CFB: variants seen among roughly 807,000 people sequenced by gnomAD.
CFB encodes the protein B-factor, properdin.
Under a neutral mutation model 97.2 loss-of-function variants are expected in CFB, and 59 were observed. That is an observed-to-expected ratio of 0.61 (90% confidence interval 0.49 to 0.75). The LOEUF is 0.75. Among genes scored for constraint, CFB ranks in the 30% least tolerant of loss-of-function variants. The pLI is 0.00. For synonymous variants in CFB, 316 were observed against 351.7 expected, an observed-to-expected ratio of 0.90 and a Z score of 1.14; for missense variants, 771 against 959.8, an observed-to-expected ratio of 0.80 and a Z score of 2.60.
At position 31,947,420 on chromosome 6, in the gene CFB, G is replaced by A. The variant is rs762757991; in HGVS notation, c.557G>A (p.Ser186Asn). ...GGCAGCCAGTACCGCCTTGAAGACA[G>A]CGTCACCTACCACTGCAGCCGGGGG... Reference protein sequence around the residue: ...KVGSQYRLEDSVTYHCSRGLT... With the variant: ...KVGSQYRLEDNVTYHCSRGLT... Residue 186 changes from serine to asparagine, a missense_variant, in exon 4 of 18, where the codon AGC becomes AAC. Physicochemically the swap from Ser to Asn is conservative, Grantham distance 46. Coordinates refer to ENST00000425368, the MANE Select transcript of CFB (RefSeq NM_001710.6). The surrounding 1 kb of genome is among the most constrained non-coding windows in gnomAD (Gnocchi z 5.3). 1.9e-6 allele frequency: 3 copies of A among 1,612,888 alleles called. No homozygotes were observed.
In CFB at chr6:31,947,829, A is replaced by T; in HGVS notation, c.746A>T (p.Asp249Val). 6.2e-7 allele frequency: 1 copy of T among 1,613,834 alleles called. No homozygotes were observed. The highest frequency in any genetic ancestry group is 8.5e-7 in the Non-Finnish European group (1 of 1,180,028). ...ACCATAGAAGGAGTCGATGCTGAGG[A>T]TGGGCACGGCCCAGGTTTGAAGACA... ...TETIEGVDAE[D>V]GHGPGEQQKR... Residue 249 changes from aspartate to valine, a missense_variant, in exon 5 of 18, where the codon GAT becomes GTT. Physicochemically the swap from Asp to Val is radical, Grantham distance 152. Transcript: ENST00000425368. This position sits in a 1 kb window ranked among gnomAD's most constrained non-coding sequence, Gnocchi z 5.3.
In CFB at chr6:31,948,404, G is replaced by T; in HGVS notation, c.928G>T (p.Gly310Cys). ...VASYGVKPRYGLVTYATYPKI... is the reference protein window; with the variant it reads ...VASYGVKPRYCLVTYATYPKI... The stretch of plus-strand genomic sequence containing the variant: ...AAGTTATGGTGTGAAGCCAAGATAT[G>T]GTCTAGTGACATATGCCACATACCC... The change falls in exon 7 of 18, where the codon GGT becomes TGT. Residue 310 changes from glycine to cysteine, a missense_variant. Transcript: ENST00000425368. 6.8e-6 allele frequency: 11 copies of T among 1,614,168 alleles called. No individual in the cohort carries two copies. Among genetic ancestry groups the T allele is most frequent in the Middle Eastern group, 1.6e-4 (1 of 6,062 alleles).
chr6:31,947,442 G>C lies in CFB; in HGVS notation c.579G>C (p.Arg193=), dbSNP rs759063772. 2 of 1,613,004 alleles carry C rather than the reference G, an allele frequency of 1.2e-6. No individual in the cohort carries two copies. The highest frequency in any genetic ancestry group is 2.2e-5 in the South Asian group (2 of 91,086). Residue 193 remains arginine, a synonymous_variant, in exon 4 of 18, where the codon CGG becomes CGC. Coordinates refer to ENST00000425368, the MANE Select transcript of CFB (RefSeq NM_001710.6). This position sits in a 1 kb window ranked among gnomAD's most constrained non-coding sequence, Gnocchi z 5.3. ...ACAGCGTCACCTACCACTGCAGCCG[G>C]GGGCTTACCCTGCGTGGCTCCCAGC... The part of the protein sequence containing the change: ...LEDSVTYHCS[R]GLTLRGSQRR...
Position 31,950,081 on chromosome 6 carries a change from G to C in CFB, c.1440G>C (p.Met480Ile), listed in dbSNP as rs1390187890. 1 of 1,612,940 alleles carries C rather than the reference G, an allele frequency of 6.2e-7. No individual in the cohort carries two copies. Among genetic ancestry groups the C allele is most frequent in the Admixed American group, 1.7e-5 (1 of 60,000 alleles). The change falls in exon 11 of 18, where the codon ATG becomes ATC. Residue 480 changes from methionine (M) to isoleucine (I), a missense_variant. Coordinates refer to ENST00000425368, the MANE Select transcript of CFB (RefSeq NM_001710.6). ...GCCAGTCTCTGAGTCTCTGTGGCAT[G>C]GTTTGGGAACACAGGAAGGGTACCG... ...DESQSLSLCG[M>I]VWEHRKGTDY...
In CFB at chr6:31,946,983, T is replaced by G. The variant is rs1253301962; in HGVS notation, c.299-24T>G. On this transcript the variant is annotated intron_variant, in intron 2 of 17. Coordinates refer to ENST00000425368, the MANE Select transcript of CFB (RefSeq NM_001710.6). This position sits in a 1 kb window ranked among gnomAD's most constrained non-coding sequence, Gnocchi z 6.4. ...AGGCAGCCTTTCCCTCTTGATGACT[T>G]CTACTTGTCCCCCCTTCTCAAAGCA... The G allele has an allele frequency of 6.2e-7, 1 of 1,612,404 alleles. No individual in the cohort carries two copies. Among genetic ancestry groups the G allele is most frequent in the Non-Finnish European group, 8.5e-7 (1 of 1,179,800 alleles).
At chr6:31,950,796 G>T in intron 13 of CFB, 24 bp downstream of exon 13, 7 of 1,613,062 alleles carry the variant, frequency 4.3e-6, no homozygotes, top group Non-Finnish European at 5.9e-6. Context: ...GATCCCTGAG[G>T]AAAGGCTGGG....
Position 31,950,374 on chromosome 6 carries a change from A to G in CFB, c.1595A>G (p.Asp532Gly), listed in dbSNP as rs372020657. The G allele has an allele frequency of 6.2e-7, 1 of 1,612,942 alleles. No individual in the cohort carries two copies. The highest frequency in any genetic ancestry group is 8.5e-7 in the Non-Finnish European group (1 of 1,180,032). ...GCAGCACATTGTTTCACTGTGGATG[A>G]CAAGGAACACTCAATCAAGGTCAGC... is the stretch of plus-strand genomic sequence containing the variant. ...LTAAHCFTVD[D>G]KEHSIKVSVG... Residue 532 changes from aspartate to glycine, a missense_variant, in exon 12 of 18, where the codon GAC becomes GGC. Physicochemically the swap from Asp to Gly is moderately conservative, Grantham distance 94 (BLOSUM62 -1). Coordinates refer to ENST00000425368, the MANE Select transcript of CFB (RefSeq NM_001710.6).
chr6:31,947,208 T>TC lies in CFB; in HGVS notation c.484+21dup. ...GACAACGGAGGTGAGAAGCATCCCC[T>TC]CCCCCTACATTGCTGTCTCCCTGAC... On this transcript the variant is annotated intron_variant, in intron 3 of 17. Coordinates refer to ENST00000425368, the MANE Select transcript of CFB (RefSeq NM_001710.6). The surrounding 1 kb of genome is among the most constrained non-coding windows in gnomAD (Gnocchi z 5.3). 1 of 1,612,096 alleles carries TC rather than the reference T, an allele frequency of 6.2e-7. No individual in the cohort carries two copies.
Position 31,951,383 on chromosome 6 carries a change from G to A in CFB, c.1999G>A (p.Asp667Asn). 6.2e-7 allele frequency: 1 copy of A among 1,614,180 alleles called. No homozygotes were observed. The highest frequency in any genetic ancestry group is 8.5e-7 in the Non-Finnish European group (1 of 1,180,038). Reference protein sequence around the residue: ...ERDAQYAPGYDKVKDISEVVT... With the variant: ...ERDAQYAPGYNKVKDISEVVT... ...AGATGCTCAATATGCCCCAGGCTAT[G>A]ACAAAGTCAAGGACATCTCAGAGGT... The change falls in exon 16 of 18, where the codon GAC becomes AAC. Residue 667 changes from aspartate to asparagine, a missense_variant. Coordinates refer to ENST00000425368, the MANE Select transcript of CFB (RefSeq NM_001710.6). The surrounding 1 kb of genome is among the most constrained non-coding windows in gnomAD (Gnocchi z 4.3).
Position 31,950,740 on chromosome 6 carries a change from CAAG to C in CFB, c.1749_1751del (p.Lys583del). On this transcript the variant is annotated inframe_deletion, in exon 13 of 18. Transcript: ENST00000425368. ...ACTATGACGTTGCCCTGATCAAGCT[CAAG>C]AATAAGCTGAAATATGGCCAGACTA... The C allele has an allele frequency of 6.2e-7, 1 of 1,613,050 alleles. No homozygotes were observed. The highest frequency in any genetic ancestry group is 8.5e-7 in the Non-Finnish European group (1 of 1,180,036).
rs769901381 is a variant in CFB at position 31,947,107 on chromosome 6, C to T, written c.399C>T (p.Asp133=). 1.3e-5 allele frequency: 21 copies of T among 1,613,028 alleles called. No individual in the cohort carries two copies. Among genetic ancestry groups the T allele is most frequent in the East Asian group, 4.5e-5 (2 of 44,868 alleles). The change falls in exon 3 of 18, where the codon GAC becomes GAT. Residue 133 remains aspartate (D), a synonymous_variant. Transcript: ENST00000425368. The surrounding 1 kb of genome is among the most constrained non-coding windows in gnomAD (Gnocchi z 5.3). ...ATGAGATCTCTTTCCACTGCTATGACGGTTACACTCTCCGGGGCTCTGCCA... is the reference window on the plus strand; with the variant it reads ...ATGAGATCTCTTTCCACTGCTATGATGGTTACACTCTCCGGGGCTCTGCCA... ...VSDEISFHCY[D]GYTLRGSANR...
chr6:31,946,566 G>C lies in CFB; in HGVS notation c.258G>C (p.Lys86Asn). ...CTACGGGGTCCTGGAGCACCCTGAA[G>C]ACTCAAGACCAAAAGACTGTCAGGA... ...CRSTGSWSTLKTQDQKTVRKA... is the reference protein window; with the variant it reads ...CRSTGSWSTLNTQDQKTVRKA... The change falls in exon 2 of 18, where the codon AAG (lysine) becomes AAC (asparagine). Residue 86 changes from lysine (K) to asparagine (N), a missense_variant. Physicochemically the swap from Lys to Asn is moderately conservative, Grantham distance 94. Transcript: ENST00000425368. The surrounding 1 kb of genome is among the most constrained non-coding windows in gnomAD (Gnocchi z 6.4). 4 of 1,612,274 alleles carry C rather than the reference G, an allele frequency of 2.5e-6. No individual in the cohort carries two copies. The highest frequency in any genetic ancestry group is 3.4e-6 in the Non-Finnish European group (4 of 1,180,032).
At position 31,946,543 on chromosome 6, in the gene CFB, A is replaced by G; in HGVS notation, c.235A>G (p.Thr79Ala). The change falls in exon 2 of 18, where the codon ACG (threonine) becomes GCG (alanine). Residue 79 changes from threonine to alanine, a missense_variant. By Grantham distance (58) the Thr-to-Ala change is moderately conservative (BLOSUM62 0). Coordinates refer to ENST00000425368, the MANE Select transcript of CFB (RefSeq NM_001710.6). This position sits in a 1 kb window ranked among gnomAD's most constrained non-coding sequence, Gnocchi z 6.4. ...TGTGCAGACACGTACCTGCAGATCT[A>G]CGGGGTCCTGGAGCACCCTGAAGAC... ...YPVQTRTCRS[T>A]GSWSTLKTQD... The G allele has an allele frequency of 1.2e-6, 2 of 1,612,934 alleles. No individual in the cohort carries two copies. The highest frequency in any genetic ancestry group is 1.7e-6 in the Non-Finnish European group (2 of 1,180,028).
At position 31,952,069 on chromosome 6, in the gene CFB, A is replaced by G. The variant is rs1771808453; in HGVS notation, c.*39A>G. ...GGACAGGGGCGTGGGATTGAATTAA[A>G]ACAGCTGCGACAACACCTGTGTTCC... On this transcript the variant is annotated 3_prime_UTR_variant, in exon 18 of 18. Coordinates refer to ENST00000425368, the MANE Select transcript of CFB (RefSeq NM_001710.6). The G allele has an allele frequency of 6.2e-7, 1 of 1,609,924 alleles. No homozygotes were observed.
rs749762077 is a variant in CFB, at chr6:31,946,489, G to C, written c.181G>C (p.Val61Leu). The C allele has an allele frequency of 3.7e-6, 6 of 1,613,086 alleles. No individual in the cohort carries two copies. In the South Asian group the frequency reaches 4.4e-5, roughly 12 times the overall value. The stretch of plus-strand genomic sequence containing the variant: ...CCAAGAGGGCCAGGCACTGGAGTAC[G>C]TGTGTCCTTCTGGCTTCTACCCGTA... ...LLQEGQALEY[V>L]CPSGFYPYPV... Residue 61 changes from valine (V) to leucine (L), a missense_variant, in exon 2 of 18, where the codon GTG becomes CTG. Transcript: ENST00000425368. The surrounding 1 kb of genome is among the most constrained non-coding windows in gnomAD (Gnocchi z 6.4).
chr6:31,949,166 C>A, intron 8 of CFB, 77 bp from the exon 9 acceptor site: 1 of 1,509,270 alleles, frequency 6.6e-7, no homozygotes, highest in South Asian at 1.1e-5. Context: ...AACTTGCTCA[C>A]CCTGCCATGT....
At chr6:31,949,771 C>T in intron 10 of CFB, 2 of 712,196 alleles carry the variant, frequency 2.8e-6, no homozygotes, top group Non-Finnish European at 4.6e-6. Context: ...TATAGTCCTA[C>T]ATTTGACACG....
chr6:31,951,190 TGAG>T lies in CFB; in HGVS notation c.1909_1911del (p.Glu637del), dbSNP rs1771740183. Reference sequence around the variant, plus strand: ...AGGATATCAAAGCTCTGTTTGTGTCTGAGGAGGAGAAAAAGCTGACTCGGAAGG... The same window carrying T: ...AGGATATCAAAGCTCTGTTTGTGTCTGAGGAGAAAAAGCTGACTCGGAAGG... On this transcript the variant is annotated inframe_deletion, in exon 15 of 18. Coordinates refer to ENST00000425368, the MANE Select transcript of CFB (RefSeq NM_001710.6). The surrounding 1 kb of genome is among the most constrained non-coding windows in gnomAD (Gnocchi z 4.3). 4 of 1,612,992 alleles carry T rather than the reference TGAG, an allele frequency of 2.5e-6. No homozygotes were observed. Among genetic ancestry groups the T allele is most frequent in the Non-Finnish European group, 2.5e-6 (3 of 1,180,000 alleles).
rs767656328 is a variant in CFB at position 31,947,791 on chromosome 6, T to C, written c.708T>C (p.Ser236=). Reference sequence around the variant, plus strand: ...AAGAGGTGGCCGAAGCTTTCCTGTCTTCCCTGACAGAGACCATAGAAGGAG... The same window carrying C: ...AAGAGGTGGCCGAAGCTTTCCTGTCCTCCCTGACAGAGACCATAGAAGGAG... The part of the protein sequence containing the change: ...TPQEVAEAFL[S]SLTETIEGVD... Residue 236 remains serine (S), a synonymous_variant, in exon 5 of 18, where the codon TCT becomes TCC. Transcript: ENST00000425368. This position sits in a 1 kb window ranked among gnomAD's most constrained non-coding sequence, Gnocchi z 5.3. 1 of 1,613,436 alleles carries C rather than the reference T, an allele frequency of 6.2e-7. No individual in the cohort carries two copies. Among genetic ancestry groups the C allele is most frequent in the South Asian group, 1.1e-5 (1 of 91,078 alleles).
Sources: allele counts gnomAD v4.1 joint callset, GRCh38; gene constraint gnomAD v4.1.1; non-coding constraint Gnocchi (gnomAD v3.1); transcripts MANE v1.5; gene names NCBI Gene and HGNC (gene_info 2026-07-23, HGNC 2026-07-21).